The following ZNF469 variants were observed in gnomAD, a reference collection of about 807,000 sequenced individuals.
The protein encoded by ZNF469 is zinc finger protein 469.
A neutral mutation model predicts 1.0 loss-of-function variants in ZNF469; 1 was observed. The observed-to-expected ratio is 1.00, with a 90% CI of 0.35 to 4.73. ZNF469 has a LOEUF of 4.73. ZNF469 is among the 30% of genes most tolerant of loss of function. The pLI is 0.16. For missense variants in ZNF469, 6,100 were observed against 5,356.3 expected, an observed-to-expected ratio of 1.14 and a Z score of -4.33; for synonymous variants, 2,703 against 2,363.4, an observed-to-expected ratio of 1.14 and a Z score of -4.17.
rs1445108784 is a variant in ZNF469 at position 88,432,375 on chromosome 16, A to G, written c.4905A>G (p.Ala1635=). Residue 1635 remains alanine, a synonymous_variant, in exon 3 of 3, where the codon GCA becomes GCG. Transcript: ENST00000565624. ...ADLTRVGEST[A]HREGAESAVA... is the part of the protein sequence containing the mutation. ...TCACGCGCGTTGGAGAATCCACTGCACATCGGGAGGGTGCGGAATCGGCTG... is the reference window on the plus strand; with the variant it reads ...TCACGCGCGTTGGAGAATCCACTGCGCATCGGGAGGGTGCGGAATCGGCTG... The G allele has an allele frequency of 3.9e-6, 6 of 1,548,940 alleles. No homozygotes were observed. Among genetic ancestry groups the G allele is most frequent in the Non-Finnish European group, 5.2e-6 (6 of 1,146,580 alleles).
intron 1 of ZNF469, among the ~76,000 whole-genome samples, chr16:88,387,433 A>G (rs889018075): frequency 6.6e-6 from 1 of 152,130 alleles, no homozygotes; most frequent in Non-Finnish European, 1.5e-5. Flanking sequence ...CACAGCCTCC[A>G]GATGTTCTTC....
the ZNF469 span, among the ~76,000 whole-genome samples, chr16:88,167,947 GC>G: frequency 6.6e-6 from 1 of 152,128 alleles, no homozygotes; most frequent in African/African-American, 2.4e-5. Context: ...CTTGAACACT[GC>G]CCCCCTCCAA....
chr16:88,423,875 C>A (rs1905589029), intron 1 of ZNF469, among the ~76,000 whole-genome samples: 1 of 152,250 alleles, frequency 6.6e-6, no homozygotes, highest in African/African-American at 2.4e-5. Flanking sequence ...GTCCAGCACC[C>A]CTCCTTCCAG....
chr16:88,341,628 A>C, the ZNF469 span, among the ~76,000 whole-genome samples: 3 of 152,210 alleles, frequency 2.0e-5, no homozygotes, highest in Admixed American at 6.5e-5. Flanking sequence ...CCAGGGTGGC[A>C]GCAGGCAGGC....
At chr16:88,186,338 A>T in the ZNF469 span, among the ~76,000 whole-genome samples, 315 of 152,232 alleles carry the variant, frequency 2.1e-3, 2 homozygotes, top group African/African-American at 7.1e-3. Flanking sequence ...TTTCCTTATA[A>T]ATCAGCCAAC....
intron 1 of ZNF469, among the ~76,000 whole-genome samples, chr16:88,404,376 G>T (rs1470943111): frequency 1.3e-5 from 2 of 152,228 alleles, no homozygotes; most frequent in Non-Finnish European, 2.9e-5. Context: ...GGCGCCGGCG[G>T]TGCGTGTGCT....
In ZNF469 at chr16:88,427,780, G is replaced by C; in HGVS notation, c.310G>C (p.Ala104Pro). The C allele has an allele frequency of 6.5e-7, 1 of 1,546,672 alleles. No homozygotes were observed. Among genetic ancestry groups the C allele is most frequent in the Non-Finnish European group, 8.7e-7 (1 of 1,146,704 alleles). Reference sequence around the variant, plus strand: ...CCCACCGGGGAGAAGCCCCTTGCAGGCTCCCTCAAGGCTGGCGGGCAGGGC... The same window carrying C: ...CCCACCGGGGAGAAGCCCCTTGCAGCCTCCCTCAAGGCTGGCGGGCAGGGC... ...QTPPGRSPLQ[A>P]PSRLAGRAEG... The change falls in exon 3 of 3, where the codon GCT becomes CCT. Residue 104 changes from alanine to proline, a missense_variant. Coordinates refer to ENST00000565624, the MANE Select transcript of ZNF469 (RefSeq NM_001367624.2).
chr16:88,233,177 G>A, the ZNF469 span, among the ~76,000 whole-genome samples: 1 of 152,240 alleles, frequency 6.6e-6, no homozygotes, highest in African/African-American at 2.4e-5. Flanking sequence ...GTGGCCTGGT[G>A]AGAAAGAGGC....
chr16:88,383,875 G>A (rs1223490867), intron 1 of ZNF469, among the ~76,000 whole-genome samples: 1 of 152,182 alleles, frequency 6.6e-6, no homozygotes, highest in East Asian at 1.9e-4. Flanking sequence ...GGCTTTTGCA[G>A]AGCCGGGAAG....
At chr16:88,105,795 C>T in the ZNF469 span, among the ~76,000 whole-genome samples, 7 of 152,212 alleles carry the variant, frequency 4.6e-5, no homozygotes, top group South Asian at 2.1e-4. Flanking sequence ...AGGGGGATAA[C>T]GGCACGTGTG....
At chr16:88,409,639 A>G (rs8051841) in intron 1 of ZNF469, among the ~76,000 whole-genome samples, 19,024 of 152,248 alleles carry the variant, frequency 0.12, 1,477 homozygotes, top group African/African-American at 0.2. Context: ...CATATGCTAT[A>G]TGAGCGTGTG....
At chr16:88,103,400 G>A in the ZNF469 span, among the ~76,000 whole-genome samples, 15 of 152,234 alleles carry the variant, frequency 9.9e-5, no homozygotes, top group Non-Finnish European at 2.2e-4. Context: ...GGGCTGCCCA[G>A]TGCCCCTTGC....
the ZNF469 span, among the ~76,000 whole-genome samples, chr16:88,334,417 T>A: frequency 2.0e-5 from 3 of 152,230 alleles, no homozygotes; most frequent in Non-Finnish European, 4.4e-5. Context: ...TGAGCATCCC[T>A]GACCCAGCAT....
chr16:88,381,905 C>A (rs1293031417), upstream of ZNF469, among the ~76,000 whole-genome samples: 1 of 152,236 alleles, frequency 6.6e-6, no homozygotes, highest in Non-Finnish European at 1.5e-5. Flanking sequence ...ACCAGAAGGC[C>A]CGTGGTTAGG....
At position 88,424,310 on chromosome 16, in the gene ZNF469, C is replaced by T. The variant is rs115843534; in HGVS notation, c.-191-497C>T. Among the ~76,000 whole-genome samples, 244 of 152,288 alleles carry T rather than the reference C, an allele frequency of 1.6e-3. No individual in the cohort carries two copies. The highest frequency in any genetic ancestry group is 5.0e-3 in the African/African-American group (208 of 41,542). On this transcript the variant is annotated intron_variant, in intron 1 of 2. Coordinates refer to ENST00000565624, the MANE Select transcript of ZNF469 (RefSeq NM_001367624.2). The surrounding 1 kb of genome is among the most constrained non-coding windows in gnomAD (Gnocchi z 4.3). ...GGTGCAGAACAGTGAGCGTAGCCGA[C>T]GATCTTCTGTTGAAGGAAGGAGGAA...
At chr16:88,245,536 G>A in the ZNF469 span, among the ~76,000 whole-genome samples, 1 of 152,258 alleles carries the variant, frequency 6.6e-6, no homozygotes, top group East Asian at 1.9e-4. Context: ...CTGCCCAGGA[G>A]AAATCCAAGG....
At chr16:88,163,642 ATGG>A in the ZNF469 span, among the ~76,000 whole-genome samples, 1 of 149,862 alleles carries the variant, frequency 6.7e-6, no homozygotes, top group African/African-American at 2.5e-5. Context: ...GGATGGATGG[ATGG>A]ATGGATGGAT....
the ZNF469 span, among the ~76,000 whole-genome samples, chr16:88,196,132 A>C: frequency 6.6e-6 from 1 of 152,204 alleles, no homozygotes; most frequent in African/African-American, 2.4e-5. Context: ...GTAGGTGGCG[A>C]AACTGAGGCC....
intron 1 of ZNF469, among the ~76,000 whole-genome samples, chr16:88,416,837 T>C (rs1008177283): frequency 1.3e-5 from 2 of 152,194 alleles, no homozygotes; most frequent in South Asian, 4.2e-4. Flanking sequence ...AGTGGCACGC[T>C]CGCTCCCCGG....
Sources: allele counts gnomAD v4.1 joint callset (sites outside exome capture counted in the v4.1 genomes callset), GRCh38; gene constraint gnomAD v4.1.1; non-coding constraint Gnocchi (gnomAD v3.1); transcripts MANE v1.5; gene names NCBI Gene and HGNC (gene_info 2026-07-23, HGNC 2026-07-21).